The following MEGF10 variants were observed in gnomAD, a reference collection of about 807,000 sequenced individuals.
MEGF10 encodes multiple epidermal growth factor-like domains protein 10.
In MEGF10, 86 loss-of-function variants were observed where a neutral mutation model predicts 147.5. That is an observed-to-expected ratio of 0.58 (90% CI 0.49 to 0.70). The LOEUF (loss-of-function observed/expected upper bound fraction) is 0.70. Ranked by LOEUF, MEGF10 falls within the 30% of genes least tolerant of loss-of-function variation. The pLI is 0.00. For missense variants in MEGF10, 1,329 were observed against 1,487.3 expected (o/e 0.89, Z 1.75); for synonymous variants, 478 against 525.5 (o/e 0.91, Z 1.24).
intron 4 of MEGF10, among the ~76,000 whole-genome samples, chr5:127,341,008 C>T (rs191191256): frequency 1.2e-3 from 178 of 152,204 alleles, no homozygotes; most frequent in Non-Finnish European, 5.4e-4. Context: ...AGTCAACTTC[C>T]GAGAGGCCAG....
intron 6 of MEGF10, 55 bp downstream of exon 6, chr5:127,396,833 T>C: frequency 6.4e-7 from 1 of 1,572,204 alleles, no homozygotes; most frequent in Non-Finnish European, 8.6e-7. Flanking sequence ...TCTCCATTCA[T>C]GCTGCTGCTG....
intron 1 of MEGF10, among the ~76,000 whole-genome samples, chr5:127,323,310 C>A (rs1379553199): frequency 6.6e-5 from 10 of 152,202 alleles, no homozygotes; most frequent in African/African-American, 2.4e-4. Flanking sequence ...CAGGTCAATT[C>A]TTCTAGAAAG....
chr5:127,249,341 CAG>C, the MEGF10 span, among the ~76,000 whole-genome samples: 49 of 148,104 alleles, frequency 3.3e-4, no homozygotes, highest in Non-Finnish European at 3.4e-4. Context: ...TACATACACA[CAG>C]AGAGAGAGAG....
intron 5 of MEGF10, among the ~76,000 whole-genome samples, chr5:127,388,843 C>T (rs1371731356): frequency 6.6e-6 from 1 of 152,168 alleles, no homozygotes; most frequent in Admixed American, 6.5e-5. Context: ...CTGCCCCTGG[C>T]CAATTTTATT....
chr5:127,283,454 C>T, the MEGF10 span, among the ~76,000 whole-genome samples: 1 of 152,174 alleles, frequency 6.6e-6, no homozygotes, highest in Non-Finnish European at 1.5e-5. Context: ...CAAGCATGAT[C>T]CCACTCCACA....
At chr5:127,340,341 A>G (rs1026522976) in intron 3 of MEGF10, among the ~76,000 whole-genome samples, 189 bp from the exon 4 acceptor site, 14 of 152,214 alleles carry the variant, frequency 9.2e-5, no homozygotes, top group African/African-American at 3.4e-4. Context: ...GGAAATCATG[A>G]AACTACTGAC....
intron 5 of MEGF10, among the ~76,000 whole-genome samples, chr5:127,387,870 G>T (rs9327438): frequency 2.0e-5 from 3 of 152,048 alleles, no homozygotes; most frequent in East Asian, 1.9e-4. Context: ...TCTCTGTTTC[G>T]TGTCGTTTGC....
At chr5:127,289,625 A>G (rs1287052250), upstream of MEGF10, among the ~76,000 whole-genome samples, 1 of 152,198 alleles carries the variant, frequency 6.6e-6, no homozygotes, top group African/African-American at 2.4e-5. Flanking sequence ...TCCCCTGTGT[A>G]TTTCCAGGGA....
At chr5:127,331,654 A>T (rs1465386063) in intron 2 of MEGF10, among the ~76,000 whole-genome samples, 1 of 152,156 alleles carries the variant, frequency 6.6e-6, no homozygotes. Flanking sequence ...TGCAGGTGCA[A>T]TTGTAAGATT....
chr5:127,309,982 T>TTTCA (rs1554089018), intron 1 of MEGF10, among the ~76,000 whole-genome samples: 5 of 74,012 alleles, frequency 6.8e-5, no homozygotes, highest in Non-Finnish European at 1.5e-4. Flanking sequence ...TCTTTCTTTC[T>TTTCA]TTCTTTCTTT....
At position 127,307,124 on chromosome 5, in the gene MEGF10, T is replaced by A. The variant is rs764335515; in HGVS notation, c.-19+16068T>A. Among the ~76,000 whole-genome samples the A allele has an allele frequency of 1.3e-5, 2 of 151,856 alleles. 1 individual carries two copies. Among genetic ancestry groups the A allele is most frequent in the Admixed American group, 1.3e-4 (2 of 15,252 alleles). On this transcript the variant is annotated intron_variant, in intron 1 of 24. Coordinates refer to ENST00000503335, the MANE Select transcript of MEGF10 (RefSeq NM_001256545.2). ...AAAGGAGCACGCTTCTCCCCTAGAG[T>A]TCTGTTAGATAACCCAGAATACTAA...
At chr5:127,355,043 G>A (rs1006927635) in intron 4 of MEGF10, among the ~76,000 whole-genome samples, 1 of 152,154 alleles carries the variant, frequency 6.6e-6, no homozygotes, top group African/African-American at 2.4e-5. Flanking sequence ...GTCTTTTCCT[G>A]CTGAAAAGTT....
chr5:127,395,403 G>A (rs759898991), intron 5 of MEGF10, among the ~76,000 whole-genome samples: 1 of 151,712 alleles, frequency 6.6e-6, no homozygotes, highest in Non-Finnish European at 1.5e-5. Flanking sequence ...ATTTAATTTG[G>A]ATTCTTCGGC....
Position 127,292,567 on chromosome 5 carries a change from T to C in MEGF10, c.-19+1511T>C, listed in dbSNP as rs564539142. 2.2e-4 allele frequency among the ~76,000 whole-genome samples: 34 copies of C among 152,302 alleles called. 1 individual carries two copies. The highest frequency in any genetic ancestry group is 7.0e-4 in the African/African-American group (29 of 41,576). On this transcript the variant is annotated intron_variant, in intron 1 of 24. Coordinates refer to ENST00000503335, the MANE Select transcript of MEGF10 (RefSeq NM_001256545.2). The stretch of plus-strand genomic sequence containing the variant: ...CTTCACTACCACCTATTGTCAAACT[T>C]AGCTCAGACATGATCTTTGTATTGC...
Position 127,457,726 on chromosome 5 carries a change from T to G in MEGF10, c.*408T>G, listed in dbSNP as rs1332326535. The G allele has an allele frequency of 1.9e-5, 3 of 158,464 alleles. No homozygotes were observed. Among genetic ancestry groups the G allele is most frequent in the Non-Finnish European group, 4.2e-5 (3 of 71,766 alleles). The allele number at this position is 158,464 out of a possible 1,614,324, so 9.8% of individuals were successfully genotyped here. On this transcript the variant is annotated 3_prime_UTR_variant, in exon 25 of 25. Coordinates refer to ENST00000503335, the MANE Select transcript of MEGF10 (RefSeq NM_001256545.2). ...CTACCTAGGATTGTACAGTTTACCATAAAATTTACTTCATGAAAGTGGGAA... is the reference window on the plus strand; with the variant it reads ...CTACCTAGGATTGTACAGTTTACCAGAAAATTTACTTCATGAAAGTGGGAA...
intron 22 of MEGF10, among the ~76,000 whole-genome samples, chr5:127,452,392 CCA>C (rs1766187343): frequency 1.3e-5 from 2 of 152,212 alleles, no homozygotes; most frequent in Admixed American, 6.5e-5. Context: ...TTCTCAGAGG[CCA>C]CAGACTGTGC....
chr5:127,249,575 C>G, the MEGF10 span, among the ~76,000 whole-genome samples: 1 of 151,912 alleles, frequency 6.6e-6, no homozygotes, highest in Non-Finnish European at 1.5e-5. Flanking sequence ...TGTAAATGTA[C>G]TAAATATTAC....
chr5:127,413,892 C>G (rs1161579675), intron 9 of MEGF10, among the ~76,000 whole-genome samples: 2 of 152,182 alleles, frequency 1.3e-5, no homozygotes, highest in Non-Finnish European at 2.9e-5. Flanking sequence ...CTGCCTCTTG[C>G]TTTGTTGAAT....
chr5:127,363,410 T>C (rs911798560), intron 4 of MEGF10, among the ~76,000 whole-genome samples: 4 of 152,170 alleles, frequency 2.6e-5, no homozygotes, highest in African/African-American at 9.7e-5. Context: ...ATGATTCTCT[T>C]GGTCCTTCCC....
Sources: allele counts gnomAD v4.1 joint callset (sites outside exome capture counted in the v4.1 genomes callset), GRCh38; gene constraint gnomAD v4.1.1; transcripts MANE v1.5; gene names NCBI Gene and HGNC (gene_info 2026-07-23, HGNC 2026-07-21).